The following IL1RAPL1 variants were observed in gnomAD, a reference collection of about 807,000 sequenced individuals.
The protein encoded by IL1RAPL1 is interleukin-1 receptor accessory protein-like 1.
IL1RAPL1 carries 3 observed loss-of-function variants against 48.4 expected under a neutral mutation model. That is an observed-to-expected ratio of 0.06 (90% confidence interval 0.03 to 0.16). The LOEUF (loss-of-function observed/expected upper bound fraction) is 0.16. IL1RAPL1 is among the 10% of genes least tolerant of loss of function. IL1RAPL1 has a pLI of 1.00. For synonymous variants in IL1RAPL1, 185 were observed against 187.7 expected, an observed-to-expected ratio of 0.99 and a Z score of 0.12; for missense variants, 349 against 530.6, an observed-to-expected ratio of 0.66 and a Z score of 3.36.
chrX:29,333,593 A>G (rs1290144812), intron 3 of IL1RAPL1, among the ~76,000 whole-genome samples: 1 of 78,106 alleles, frequency 1.3e-5, no homozygotes. Flanking sequence ...TGACCCCCCC[A>G]CCTCCCTCCC....
intron 2 of IL1RAPL1, among the ~76,000 whole-genome samples, chrX:29,266,894 A>G (rs1931963845): frequency 9.0e-6 from 1 of 111,700 alleles, no homozygotes. Flanking sequence ...GAGGACTCTG[A>G]TTGGGCTAGC....
At chrX:29,582,542 G>A (rs1308564707) in intron 5 of IL1RAPL1, among the ~76,000 whole-genome samples, 32 of 79,781 alleles carry the variant, frequency 4.0e-4, no homozygotes, top group African/African-American at 1.3e-3. Flanking sequence ...ATCCCTCCCC[G>A]CTCCCCCGAC....
chrX:28,908,266 T>TC (rs1923270848), intron 2 of IL1RAPL1, among the ~76,000 whole-genome samples: 1 of 111,559 alleles, frequency 9.0e-6, no homozygotes, highest in Admixed American at 9.6e-5. Flanking sequence ...TGTTGTTTTT[T>TC]CTCTGGTTTC....
chrX:29,384,179 C>T (rs2147676691), intron 3 of IL1RAPL1, among the ~76,000 whole-genome samples: 1 of 111,678 alleles, frequency 9.0e-6, no homozygotes, highest in African/African-American at 3.3e-5. Context: ...AGAAACTTAA[C>T]ATGGGAAACA....
intron 1 of IL1RAPL1, among the ~76,000 whole-genome samples, chrX:28,708,022 A>T (rs1935395812): frequency 9.0e-6 from 1 of 111,632 alleles, no homozygotes; most frequent in Non-Finnish European, 1.9e-5. Context: ...CTGGAATTTT[A>T]AAGATAACAA....
At chrX:28,773,563 C>T (rs1936330626) in intron 1 of IL1RAPL1, among the ~76,000 whole-genome samples, 1 of 111,690 alleles carries the variant, frequency 9.0e-6, no homozygotes, top group Admixed American at 9.6e-5. Context: ...AGAACAAGCT[C>T]ATATTTCTAT....
intron 2 of IL1RAPL1, among the ~76,000 whole-genome samples, chrX:29,143,751 A>G (rs1929291142): frequency 8.9e-6 from 1 of 112,104 alleles, no homozygotes; most frequent in African/African-American, 3.2e-5. Context: ...TTCGTTGTTA[A>G]TATCTTACTG....
At chrX:29,754,879 C>T (rs1489689908) in intron 6 of IL1RAPL1, among the ~76,000 whole-genome samples, 1 of 112,807 alleles carries the variant, frequency 8.9e-6, no homozygotes, top group Non-Finnish European at 1.9e-5. Context: ...TTCACAATTT[C>T]TGTAGGTTAG....
chrX:28,905,635 T>G (rs1476290202), intron 2 of IL1RAPL1, among the ~76,000 whole-genome samples: 1 of 112,245 alleles, frequency 8.9e-6, no homozygotes, highest in South Asian at 3.6e-4. Flanking sequence ...TAAAATATGT[T>G]GTTATATTAA....
intron 2 of IL1RAPL1, among the ~76,000 whole-genome samples, chrX:28,978,729 A>C (rs763367590): frequency 8.9e-6 from 1 of 112,126 alleles, no homozygotes; most frequent in Admixed American, 9.5e-5. Context: ...ACAGTGAATG[A>C]GTGGAGAGTT....
chrX:29,181,983 T>C, intron 2 of IL1RAPL1, among the ~76,000 whole-genome samples: 1 of 111,444 alleles, frequency 9.0e-6, no homozygotes, highest in Non-Finnish European at 1.9e-5. Flanking sequence ...ATCTCCAAAA[T>C]AGTGTCTTTG....
At chrX:29,783,387 G>A (rs1929407921) in intron 6 of IL1RAPL1, among the ~76,000 whole-genome samples, 1 of 110,974 alleles carries the variant, frequency 9.0e-6, no homozygotes, top group Admixed American at 9.6e-5. Context: ...TTATTAGGAG[G>A]CTTTAGGAAT....
chrX:29,730,630 AAG>A (rs200691928), intron 6 of IL1RAPL1, among the ~76,000 whole-genome samples: 5,347 of 111,993 alleles, frequency 0.048, 256 homozygotes, highest in East Asian at 0.25. Flanking sequence ...CATTTTCTAA[AAG>A]AGAATTATAG....
chrX:29,844,892 A>G (rs1931213746), intron 6 of IL1RAPL1, among the ~76,000 whole-genome samples: 1 of 112,245 alleles, frequency 8.9e-6, no homozygotes, highest in African/African-American at 3.2e-5. Context: ...AAATTGAATT[A>G]TAAGTGTCCT....
intron 5 of IL1RAPL1, among the ~76,000 whole-genome samples, chrX:29,584,762 C>G (rs1033996021): frequency 7.2e-5 from 8 of 111,132 alleles, no homozygotes; most frequent in Non-Finnish European, 9.4e-5. Context: ...ACTATGTTGC[C>G]CGGTCTAGTC....
intron 2 of IL1RAPL1, among the ~76,000 whole-genome samples, chrX:29,229,552 T>C (rs1425383487): frequency 8.9e-6 from 1 of 112,105 alleles, no homozygotes; most frequent in African/African-American, 3.2e-5. Context: ...CTTTCCTTTT[T>C]TGTACAGGAA....
chrX:29,255,884 A>C (rs1181919603), intron 2 of IL1RAPL1, among the ~76,000 whole-genome samples: 1 of 111,705 alleles, frequency 9.0e-6, no homozygotes, highest in African/African-American at 3.3e-5. Flanking sequence ...GGTTGATTCC[A>C]TATCTGCTAT....
At chrX:28,725,232 G>A (rs1316261909) in intron 1 of IL1RAPL1, among the ~76,000 whole-genome samples, 2 of 110,918 alleles carry the variant, frequency 1.8e-5, no homozygotes, top group Non-Finnish European at 3.8e-5. Flanking sequence ...TTACAGGCAT[G>A]AGCCACCATG....
At chrX:29,112,085 A>G (rs1339714144) in intron 2 of IL1RAPL1, among the ~76,000 whole-genome samples, 1 of 107,365 alleles carries the variant, frequency 9.3e-6, no homozygotes, top group African/African-American at 3.4e-5. Context: ...AGGCACCACC[A>G]CGCCCGGCTA....
Sources: allele counts gnomAD v4.1 joint callset (sites outside exome capture counted in the v4.1 genomes callset), GRCh38; gene constraint gnomAD v4.1.1; transcripts MANE v1.5; gene names NCBI Gene and HGNC (gene_info 2026-07-23, HGNC 2026-07-21).